The following DOCK3 variants were observed in gnomAD, a reference collection of about 807,000 sequenced individuals.
DOCK3 encodes the protein dedicator of cytokinesis protein 3.
A neutral mutation model predicts 265.6 loss-of-function variants in DOCK3; 60 were observed. The ratio of observed to expected loss-of-function variants is 0.23; its 90% CI spans 0.18 to 0.28. DOCK3 has a LOEUF of 0.28. Among genes scored for constraint, DOCK3 ranks in the 10% least tolerant of loss-of-function variants. The pLI is 1.00. For missense variants in DOCK3, 1,981 were observed against 2,594.3 expected (o/e 0.76, Z 5.14); for synonymous variants, 881 against 938.0 (o/e 0.94, Z 1.11).
chr3:50,878,361 C>T (rs560889228), intron 3 of DOCK3, among the ~76,000 whole-genome samples: 1 of 152,252 alleles, frequency 6.6e-6, no homozygotes, highest in South Asian at 2.1e-4. Flanking sequence ...GAACCCATTG[C>T]AAAGAAGCTA....
chr3:51,184,735 C>G (rs1355470845), intron 12 of DOCK3, among the ~76,000 whole-genome samples: 1 of 152,102 alleles, frequency 6.6e-6, no homozygotes, highest in Non-Finnish European at 1.5e-5. Flanking sequence ...ATTCCCCACT[C>G]CTTAAGTGTG....
intron 9 of DOCK3, among the ~76,000 whole-genome samples, chr3:51,115,529 A>G (rs1179576730): frequency 6.6e-6 from 1 of 152,130 alleles, no homozygotes; most frequent in Non-Finnish European, 1.5e-5. Context: ...AGTTCCTTAT[A>G]GATTCCGGAT....
chr3:51,056,865 T>C (rs1472955803), intron 5 of DOCK3, among the ~76,000 whole-genome samples: 2 of 152,136 alleles, frequency 1.3e-5, no homozygotes, highest in South Asian at 2.1e-4. Flanking sequence ...CACAACAACA[T>C]TGGAAGGAAA....
intron 4 of DOCK3, among the ~76,000 whole-genome samples, chr3:50,909,461 T>G (rs951188195): frequency 1.3e-5 from 2 of 152,066 alleles, no homozygotes; most frequent in African/African-American, 4.8e-5. Context: ...TTATCTCTTC[T>G]TCGCTTATGA....
chr3:51,291,856 C>T (rs1305971612), intron 27 of DOCK3, among the ~76,000 whole-genome samples: 1 of 152,154 alleles, frequency 6.6e-6, no homozygotes, highest in Non-Finnish European at 1.5e-5. Context: ...CAACAAAAGA[C>T]TAGCAAACTA....
intron 1 of DOCK3, among the ~76,000 whole-genome samples, chr3:50,713,848 A>G (rs936730746): frequency 2.0e-5 from 3 of 152,122 alleles, no homozygotes; most frequent in African/African-American, 7.2e-5. Context: ...TAAAGTTACA[A>G]TTTTGCAAGT....
intron 5 of DOCK3, among the ~76,000 whole-genome samples, chr3:51,031,976 G>GA (rs2080067476): frequency 6.6e-6 from 1 of 152,158 alleles, no homozygotes; most frequent in African/African-American, 2.4e-5. Flanking sequence ...CCAGAATTGT[G>GA]AAAAATAGAT....
intron 1 of DOCK3, among the ~76,000 whole-genome samples, chr3:50,744,600 A>C (rs1036462222): frequency 3.3e-5 from 5 of 151,884 alleles, no homozygotes; most frequent in African/African-American, 1.2e-4. Context: ...CACCTGGCTA[A>C]TTTTTTGTGT....
intron 4 of DOCK3, among the ~76,000 whole-genome samples, chr3:50,920,562 G>A (rs943399701): frequency 2.6e-4 from 39 of 152,254 alleles, no homozygotes; most frequent in Middle Eastern, 6.8e-3. Context: ...TTCTCTGATG[G>A]TAGTTTGTAT....
chr3:51,331,515 A>G (rs1353908368), intron 33 of DOCK3, among the ~76,000 whole-genome samples: 3 of 151,880 alleles, frequency 2.0e-5, no homozygotes, highest in Non-Finnish European at 4.4e-5. Flanking sequence ...ATGGAGCAGC[A>G]TTTTCCAATT....
intron 5 of DOCK3, among the ~76,000 whole-genome samples, chr3:50,952,291 A>G (rs909955575): frequency 1.3e-5 from 2 of 152,182 alleles, no homozygotes; most frequent in Non-Finnish European, 2.9e-5. Flanking sequence ...TCAGGTGTCA[A>G]ATGTTCTAAA....
At chr3:51,234,236 T>C (rs967368261) in intron 19 of DOCK3, among the ~76,000 whole-genome samples, 1 of 152,214 alleles carries the variant, frequency 6.6e-6, no homozygotes, top group African/African-American at 2.4e-5. Flanking sequence ...ATTTCCCTGA[T>C]GATTAGTGAT....
intron 49 of DOCK3, among the ~76,000 whole-genome samples, chr3:51,367,667 C>A (rs1213843595): frequency 6.6e-6 from 1 of 152,156 alleles, no homozygotes; most frequent in Non-Finnish European, 1.5e-5. Context: ...CCTTCAGGAG[C>A]TCTTGTAAGG....
chr3:51,080,494 T>C (rs1227412228), intron 7 of DOCK3, among the ~76,000 whole-genome samples: 3 of 152,214 alleles, frequency 2.0e-5, no homozygotes, highest in Non-Finnish European at 2.9e-5. Context: ...AGGGAGGTAT[T>C]GGCTGACCAG....
intron 12 of DOCK3, among the ~76,000 whole-genome samples, chr3:51,172,907 G>A (rs2086755584): frequency 6.6e-6 from 1 of 152,044 alleles, no homozygotes; most frequent in Non-Finnish European, 1.5e-5. Context: ...GCAATTGTGT[G>A]TGAAAACTCT....
chr3:51,148,950 C>T (rs549388507), intron 10 of DOCK3, among the ~76,000 whole-genome samples: 14 of 152,298 alleles, frequency 9.2e-5, no homozygotes, highest in Middle Eastern at 6.8e-3. Context: ...GCCATTTTCA[C>T]GATACTGATT....
intron 9 of DOCK3, among the ~76,000 whole-genome samples, chr3:51,127,976 C>A (rs1453410165): frequency 1.3e-5 from 2 of 152,208 alleles, no homozygotes; most frequent in African/African-American, 4.8e-5. Flanking sequence ...AGACTGATTT[C>A]ATCTTGATAG....
intron 1 of DOCK3, among the ~76,000 whole-genome samples, chr3:50,707,776 G>T (rs958147304): frequency 6.6e-5 from 10 of 152,096 alleles, no homozygotes; most frequent in Non-Finnish European, 1.2e-4. Flanking sequence ...TGGGTGGTGT[G>T]CATGATGTTG....
At chr3:51,281,028 A>G (rs1457274091) in intron 27 of DOCK3, among the ~76,000 whole-genome samples, 1 of 151,976 alleles carries the variant, frequency 6.6e-6, no homozygotes, top group East Asian at 1.9e-4. Flanking sequence ...TCTCACACAC[A>G]CATCCTTCCT....
Sources: allele counts gnomAD v4.1 joint callset (sites outside exome capture counted in the v4.1 genomes callset), GRCh38; gene constraint gnomAD v4.1.1; transcripts MANE v1.5; gene names NCBI Gene and HGNC (gene_info 2026-07-23, HGNC 2026-07-21).